Variants in SORCS3 observed in about 807,000 individuals in gnomAD.
SORCS3 encodes the protein VPS10 domain-containing receptor SorCS3.
A neutral mutation model predicts 146.3 loss-of-function variants in SORCS3; 57 were observed. That is an observed-to-expected ratio of 0.39 (90% CI 0.31 to 0.49). The LOEUF is 0.49. Ranked by LOEUF, SORCS3 falls within the 20% of genes least tolerant of loss-of-function variation. The pLI is 0.92. For missense variants in SORCS3, 1,341 were observed against 1,575.5 expected, an observed-to-expected ratio of 0.85 and a Z score of 2.52; for synonymous variants, 653 against 618.5, an observed-to-expected ratio of 1.06 and a Z score of -0.83.
chr10:104,792,582 A>G (rs1267802756), intron 1 of SORCS3, among the ~76,000 whole-genome samples: 1 of 152,224 alleles, frequency 6.6e-6, no homozygotes, highest in Non-Finnish European at 1.5e-5. Context: ...ATGAACATTT[A>G]TCCTTATGGT....
intron 10 of SORCS3, among the ~76,000 whole-genome samples, chr10:105,158,614 G>A (rs2056232566): frequency 2.0e-5 from 3 of 152,040 alleles, no homozygotes; most frequent in African/African-American, 7.2e-5. Context: ...CCATGAACTG[G>A]AACTTGGATA....
At chr10:105,207,294 T>A (rs2056608224) in intron 16 of SORCS3, among the ~76,000 whole-genome samples, 1 of 150,454 alleles carries the variant, frequency 6.6e-6, no homozygotes, top group South Asian at 2.1e-4. Flanking sequence ...ATTATTATTA[T>A]TATTATTATT....
rs140180045 is a variant in SORCS3 at position 104,864,899 on chromosome 10, C to T, written c.695+22040C>T. 1.6e-3 allele frequency among the ~76,000 whole-genome samples: 242 copies of T among 152,260 alleles called. 1 individual carries two copies. The highest frequency in any genetic ancestry group is 5.4e-3 in the African/African-American group (226 of 41,548). On this transcript the variant is annotated intron_variant, in intron 2 of 26. Coordinates refer to ENST00000369701, the MANE Select transcript of SORCS3 (RefSeq NM_014978.3). ...TCTCCCTACCTTCCCCTGGTGCCCC[C>T]AGCCAATCACATTTTTCACAGATCT...
At chr10:105,081,611 T>A (rs1208476043) in intron 5 of SORCS3, among the ~76,000 whole-genome samples, 1 of 152,208 alleles carries the variant, frequency 6.6e-6, no homozygotes, top group Non-Finnish European at 1.5e-5. Flanking sequence ...AAGGGTTAAG[T>A]TGCTAAAAAT....
intron 5 of SORCS3, among the ~76,000 whole-genome samples, chr10:105,069,294 ATCT>A (rs1031816388): frequency 6.6e-5 from 10 of 152,192 alleles, no homozygotes; most frequent in African/African-American, 1.9e-4. Context: ...AAATCCACTT[ATCT>A]TGTAAAGTTC....
intron 20 of SORCS3, among the ~76,000 whole-genome samples, chr10:105,235,193 T>C (rs371962705): frequency 2.0e-5 from 3 of 152,132 alleles, no homozygotes; most frequent in East Asian, 1.9e-4. Flanking sequence ...GTAGCTTAGT[T>C]GGACTATAAA....
chr10:105,045,787 A>G (rs1394405960), intron 5 of SORCS3, among the ~76,000 whole-genome samples: 1 of 152,162 alleles, frequency 6.6e-6, no homozygotes, highest in Non-Finnish European at 1.5e-5. Context: ...GAGCAGATGT[A>G]TCAAGTGGAC....
At chr10:104,937,398 GT>G (rs1413482848) in intron 3 of SORCS3, among the ~76,000 whole-genome samples, 1 of 152,170 alleles carries the variant, frequency 6.6e-6, no homozygotes, top group Non-Finnish European at 1.5e-5. Context: ...GAAAATGTAG[GT>G]GTTAATTTGA....
At chr10:105,111,619 G>A (rs2055859529) in intron 7 of SORCS3, among the ~76,000 whole-genome samples, 1 of 152,160 alleles carries the variant, frequency 6.6e-6, no homozygotes, top group Admixed American at 6.6e-5. Context: ...TAAAACTGCT[G>A]TCCAGGAATT....
At chr10:105,198,883 T>C (rs1007885681) in intron 14 of SORCS3, among the ~76,000 whole-genome samples, 1 of 152,216 alleles carries the variant, frequency 6.6e-6, no homozygotes, top group African/African-American at 2.4e-5. Flanking sequence ...TATTGTAAAT[T>C]GGATGATCCA....
Position 105,214,533 on chromosome 10 carries a change from G to T in SORCS3, c.2467G>T (p.Gly823Cys), listed in dbSNP as rs746273764. 1 of 1,613,674 alleles carries T rather than the reference G, an allele frequency of 6.2e-7. No individual in the cohort carries two copies. The highest frequency in any genetic ancestry group is 8.5e-7 in the Non-Finnish European group (1 of 1,179,810). ...AQMCPGKAPR[G>C]LHVVTTDGRL... Reference sequence around the variant, plus strand: ...GATGTGCCCTGGAAAAGCCCCTCGGGGCCTCCATGTGGTGACGACCGATGG... The same window carrying T: ...GATGTGCCCTGGAAAAGCCCCTCGGTGCCTCCATGTGGTGACGACCGATGG... The change falls in exon 18 of 27, where the codon GGC becomes TGC. Residue 823 changes from glycine to cysteine, a missense_variant. Coordinates refer to ENST00000369701, the MANE Select transcript of SORCS3 (RefSeq NM_014978.3).
chr10:105,076,194 G>A (rs1411623129), intron 5 of SORCS3, among the ~76,000 whole-genome samples: 1 of 152,114 alleles, frequency 6.6e-6, no homozygotes, highest in East Asian at 1.9e-4. Flanking sequence ...ACTTGCCCAA[G>A]GTAACACAAT....
At chr10:105,107,025 G>GA (rs2055826728) in intron 7 of SORCS3, among the ~76,000 whole-genome samples, 1 of 152,028 alleles carries the variant, frequency 6.6e-6, no homozygotes, top group South Asian at 2.1e-4. Flanking sequence ...TCAAGTCAGT[G>GA]AGCTGTGACC....
chr10:104,900,682 A>T (rs984375237), intron 2 of SORCS3, among the ~76,000 whole-genome samples: 1 of 152,004 alleles, frequency 6.6e-6, no homozygotes, highest in African/African-American at 2.4e-5. Context: ...TGAGGTCAGG[A>T]GTTCAAGACC....
intron 1 of SORCS3, among the ~76,000 whole-genome samples, chr10:104,774,106 C>T (rs1230823127): frequency 6.6e-6 from 1 of 152,210 alleles, no homozygotes; most frequent in Non-Finnish European, 1.5e-5. Context: ...ATCTCCCATC[C>T]TTTCTGGATG....
At chr10:104,965,359 A>C (rs1397754192) in intron 3 of SORCS3, among the ~76,000 whole-genome samples, 1 of 152,218 alleles carries the variant, frequency 6.6e-6, no homozygotes, top group African/African-American at 2.4e-5. Flanking sequence ...TTCAATGGTC[A>C]GTTCTTGGTA....
intron 6 of SORCS3, among the ~76,000 whole-genome samples, chr10:105,102,836 C>T (rs1340271184): frequency 4.8e-5 from 6 of 125,458 alleles, no homozygotes; most frequent in Non-Finnish European, 9.4e-5. Context: ...TGTCACCAGG[C>T]TGGAGTACCG....
intron 7 of SORCS3, among the ~76,000 whole-genome samples, chr10:105,129,331 C>CTCTCTCTCTCTTTTTTT (rs1172062304): frequency 1.9e-5 from 2 of 104,634 alleles, no homozygotes; most frequent in African/African-American, 7.8e-5. Context: ...CTTTCTTTCT[C>CTCTCTCTCTCTTTTTTT]TTTTTTTTTT....
At chr10:105,135,218 T>C (rs1589649997) in intron 7 of SORCS3, among the ~76,000 whole-genome samples, 1 of 152,088 alleles carries the variant, frequency 6.6e-6, no homozygotes, top group African/African-American at 2.4e-5. Context: ...GTATAGCACA[T>C]GTAGTAGCTG....
Sources: allele counts gnomAD v4.1 joint callset (sites outside exome capture counted in the v4.1 genomes callset), GRCh38; gene constraint gnomAD v4.1.1; transcripts MANE v1.5; gene names NCBI Gene and HGNC (gene_info 2026-07-23, HGNC 2026-07-21).